Variants in TENM2 observed in about 807,000 individuals in gnomAD.
TENM2 encodes the protein teneurin transmembrane protein 2.
Under a neutral mutation model 245.2 loss-of-function variants are expected in TENM2, and 52 were observed. The observed-to-expected ratio is 0.21, with a 90% CI of 0.17 to 0.27. The LOEUF is 0.27. TENM2 is among the 10% of genes least tolerant of loss of function. TENM2 has a pLI of 1.00. For synonymous variants in TENM2, 1,363 were observed against 1,438.9 expected, an observed-to-expected ratio of 0.95 and a Z score of 1.19; for missense variants, 3,046 against 3,666.8, an observed-to-expected ratio of 0.83 and a Z score of 4.37.
In TENM2 at chr5:167,702,553, T is replaced by TATATATATATATATATATATACATAC. The variant is rs1554102838; in HGVS notation, c.503-173414_503-173413insTACATACATATATATATATATATATA. 3.5e-3 allele frequency among the ~76,000 whole-genome samples: 220 copies of TATATATATATATATATATATACATAC among 63,568 alleles called. 1 individual carries two copies. Among genetic ancestry groups the TATATATATATATATATATATACATAC allele is most frequent in the African/African-American group, 0.02 (209 of 10,478 alleles). The allele number at this position is 63,568 out of a possible 152,430, so 41.7% of individuals were successfully genotyped here. A position where few individuals can be genotyped will look rare whatever the true frequency, so the allele number is the denominator to read the frequency against. Reference sequence around the variant, plus strand: ...ATGTATGTATGTATGTGTGTGTGTGTATATATATATATATATATACATATA... The same window carrying TATATATATATATATATATATACATAC: ...ATGTATGTATGTATGTGTGTGTGTGTATATATATATATATATATATACATACATATATATATATATATATACATATA... On this transcript the variant is annotated intron_variant, in intron 2 of 28. Transcript: ENST00000518659.
intron 2 of TENM2, among the ~76,000 whole-genome samples, chr5:167,631,502 A>G (rs1778870737): frequency 6.6e-6 from 1 of 152,168 alleles, no homozygotes; most frequent in African/African-American, 2.4e-5. Flanking sequence ...TGGGTAGAGT[A>G]GCTGGTGCAG....
chr5:167,583,175 T>A (rs1775216065), intron 2 of TENM2, among the ~76,000 whole-genome samples: 1 of 152,272 alleles, frequency 6.6e-6, no homozygotes, highest in East Asian at 1.9e-4. Flanking sequence ...GGATTCAGAT[T>A]TCATTCGAAT....
At chr5:168,193,595 A>G (rs1233546113) in intron 14 of TENM2, among the ~76,000 whole-genome samples, 4 of 152,242 alleles carry the variant, frequency 2.6e-5, no homozygotes, top group African/African-American at 7.2e-5. Flanking sequence ...TGTTATTCCT[A>G]TGGCACACTG....
At chr5:167,358,296 A>G (rs554513286) in intron 1 of TENM2, among the ~76,000 whole-genome samples, 2 of 152,268 alleles carry the variant, frequency 1.3e-5, no homozygotes, top group Non-Finnish European at 2.9e-5. Flanking sequence ...AAGGTCACCA[A>G]TGATTACTAT....
At chr5:167,740,298 A>G (rs1582884007) in intron 2 of TENM2, among the ~76,000 whole-genome samples, 1 of 152,144 alleles carries the variant, frequency 6.6e-6, no homozygotes, top group East Asian at 1.9e-4. Context: ...TGCCCAAATC[A>G]CTGTGATCTC....
chr5:168,195,331 C>T, intron 15 of TENM2, 36 bp downstream of exon 17: 1 of 1,556,340 alleles, frequency 6.4e-7, no homozygotes, highest in Non-Finnish European at 8.7e-7. Flanking sequence ...CTACTCAGGA[C>T]CACACGTGTG....
chr5:168,010,945 A>G (rs17069582), intron 5 of TENM2, among the ~76,000 whole-genome samples: 13,010 of 152,298 alleles, frequency 0.085, 776 homozygotes, highest in East Asian at 0.27. Context: ...TTTTGGCTGT[A>G]ATAGCACTTT....
chr5:167,026,516 A>G, the TENM2 span, among the ~76,000 whole-genome samples: 1 of 152,082 alleles, frequency 6.6e-6, no homozygotes, highest in African/African-American at 2.4e-5. Flanking sequence ...TATACCTCTC[A>G]CACTTCTGTC....
At chr5:167,547,055 T>A (rs1346878025) in intron 2 of TENM2, among the ~76,000 whole-genome samples, 1 of 152,214 alleles carries the variant, frequency 6.6e-6, no homozygotes, top group Non-Finnish European at 1.5e-5. Context: ...CTTTTTTTGA[T>A]AGACCAGCAT....
rs551934747 is a variant in TENM2 at position 167,655,518 on chromosome 5, G to A, written c.503-220468G>A. Among the ~76,000 whole-genome samples, 60 of 152,288 alleles carry A rather than the reference G, an allele frequency of 3.9e-4. 1 individual carries two copies. The highest frequency in any genetic ancestry group is 1.4e-3 in the African/African-American group (60 of 41,582). On this transcript the variant is annotated intron_variant, in intron 2 of 28. Coordinates refer to ENST00000518659, the Ensembl canonical transcript of TENM2. The stretch of plus-strand genomic sequence containing the variant: ...AGTTAGAATCTGAAAGGCTTCAACT[G>A]TGCTACTTACACATATTCTGGGCCA...
the TENM2 span, among the ~76,000 whole-genome samples, chr5:167,064,045 C>G: frequency 6.6e-6 from 1 of 152,138 alleles, no homozygotes; most frequent in African/African-American, 2.4e-5. Flanking sequence ...GTTTGTCACC[C>G]AGCAGGTGTA....
At chr5:167,667,889 A>G (rs1755675180) in intron 2 of TENM2, among the ~76,000 whole-genome samples, 1 of 152,208 alleles carries the variant, frequency 6.6e-6, no homozygotes, top group Non-Finnish European at 1.5e-5. Flanking sequence ...CTGTCTGAGC[A>G]CTTAAGATAT....
At chr5:167,790,440 G>C (rs921141826) in intron 2 of TENM2, among the ~76,000 whole-genome samples, 1 of 152,168 alleles carries the variant, frequency 6.6e-6, no homozygotes, top group Admixed American at 6.6e-5. Context: ...CTTAGAAAAT[G>C]CACACGCTTG....
chr5:167,715,702 T>A (rs1759209250), intron 2 of TENM2, among the ~76,000 whole-genome samples: 1 of 152,202 alleles, frequency 6.6e-6, no homozygotes, highest in Non-Finnish European at 1.5e-5. Flanking sequence ...GGTCACATTT[T>A]CTTTAGAGTC....
intron 5 of TENM2, among the ~76,000 whole-genome samples, chr5:168,015,380 C>A (rs906641379): frequency 2.0e-5 from 3 of 152,182 alleles, no homozygotes; most frequent in Non-Finnish European, 4.4e-5. Context: ...ACAAGGCTAG[C>A]AAACAGCAGG....
rs145291005 is a variant in TENM2 at position 168,042,281 on chromosome 5, G to A, written c.1187-5146G>A. Among the ~76,000 whole-genome samples the A allele has an allele frequency of 1.9e-3, 287 of 152,214 alleles. 2 individuals are homozygous for A. Among genetic ancestry groups the A allele is most frequent in the Admixed American group, 3.1e-3 (47 of 15,302 alleles). On this transcript the variant is annotated intron_variant, in intron 5 of 28. Coordinates refer to ENST00000518659, the Ensembl canonical transcript of TENM2. ...AGGGAAAGCCCAATCTCCTCCTCGCGTTATGTATCGACAAGTCTGATCTTT... is the reference window on the plus strand; with the variant it reads ...AGGGAAAGCCCAATCTCCTCCTCGCATTATGTATCGACAAGTCTGATCTTT...
chr5:167,483,589 C>T lies in TENM2; in HGVS notation c.502+108116C>T, dbSNP rs533226302. Among the ~76,000 whole-genome samples, 28 of 152,256 alleles carry T rather than the reference C, an allele frequency of 1.8e-4. No homozygotes were observed. The East Asian group carries it at 5.2e-3, about 28-fold the overall frequency. On this transcript the variant is annotated intron_variant, in intron 2 of 28. Coordinates refer to ENST00000518659, the Ensembl canonical transcript of TENM2. ...AGTGTTAAGAAAAGAAATGTTTAAA[C>T]AAAGCCACTATTAGTTTTTAGTCAA...
chr5:167,345,557 A>G (rs1339551948), intron 1 of TENM2, among the ~76,000 whole-genome samples: 1 of 152,180 alleles, frequency 6.6e-6, no homozygotes. Context: ...TATGAGTGGG[A>G]GAATGAACAG....
intron 2 of TENM2, among the ~76,000 whole-genome samples, chr5:167,560,398 G>A (rs537344461): frequency 1.3e-5 from 2 of 152,076 alleles, no homozygotes; most frequent in Non-Finnish European, 2.9e-5. Flanking sequence ...TAGCATGTAG[G>A]TGATTTTCCT....
Sources: allele counts gnomAD v4.1 joint callset (sites outside exome capture counted in the v4.1 genomes callset), GRCh38; gene constraint gnomAD v4.1.1; transcripts MANE v1.5; gene names NCBI Gene and HGNC (gene_info 2026-07-23, HGNC 2026-07-21).